Variants in FAM193A observed in about 807,000 individuals in gnomAD.
FAM193A encodes family with sequence similarity 193 member A, also known as protein FAM193A.
FAM193A carries 22 observed loss-of-function variants against 126.5 expected under a neutral mutation model. The observed-to-expected ratio is 0.17, with a 90% CI of 0.12 to 0.25. FAM193A has a LOEUF of 0.25. Ranked by LOEUF, FAM193A falls within the 10% of genes least tolerant of loss-of-function variation. The pLI, the probability that FAM193A is intolerant of heterozygous loss-of-function variation, is 1.00. For missense variants in FAM193A, 1,675 were observed against 1,672.8 expected, an observed-to-expected ratio of 1.00 and a Z score of -0.02; for synonymous variants, 761 against 646.8, an observed-to-expected ratio of 1.18 and a Z score of -2.68.
rs1233351844 is a variant in FAM193A, at chr4:2,732,091, T to C, written c.*223T>C. On this transcript the variant is annotated 3_prime_UTR_variant, in exon 21 of 21. Transcript: ENST00000637812. ...CTCCTTCGATTGTAGCTCTGTGCTG[T>C]CGGATTGGAACAGTAGTTCCCGCCA... The C allele has an allele frequency of 1.8e-6, 1 of 568,840 alleles. No individual in the cohort carries two copies. The highest frequency in any genetic ancestry group is 1.9e-5 in the African/African-American group (1 of 53,142). 35.2% of individuals were successfully genotyped at this position (568,840 alleles called of 1,614,324 possible). A position where few individuals can be genotyped will look rare whatever the true frequency, so the allele number is the denominator to read the frequency against.
At chr4:2,697,493 C>T (rs1300859437) in intron 18 of FAM193A, among the ~76,000 whole-genome samples, 1 of 152,184 alleles carries the variant, frequency 6.6e-6, no homozygotes, top group Non-Finnish European at 1.5e-5. Flanking sequence ...ATGTGGGCTG[C>T]ATGCAGAGGG....
At chr4:2,545,878 G>C (rs935471935) in intron 1 of FAM193A, among the ~76,000 whole-genome samples, 1 of 152,102 alleles carries the variant, frequency 6.6e-6, no homozygotes, top group Non-Finnish European at 1.5e-5. Context: ...GGCCAGGTGC[G>C]GTGGCTCACG....
At chr4:2,646,988 G>C (rs1305512322) in intron 7 of FAM193A, among the ~76,000 whole-genome samples, 156 bp downstream of exon 7, 2 of 152,222 alleles carry the variant, frequency 1.3e-5, no homozygotes, top group Non-Finnish European at 2.9e-5. Context: ...GTTAGCTGCT[G>C]GTTTTCCGGA....
upstream of FAM193A, chr4:2,536,504 C>G (rs561466996): frequency 2.7e-5 from 4 of 146,534 alleles, no homozygotes; most frequent in South Asian, 8.6e-4. Context: ...CGCGCCGAGG[C>G]ACGTTAACGG....
At chr4:2,675,146 GT>G (rs1714251123) in intron 13 of FAM193A, among the ~76,000 whole-genome samples, 1 of 152,150 alleles carries the variant, frequency 6.6e-6, no homozygotes, top group Non-Finnish European at 1.5e-5. Context: ...ATTAAGGTAT[GT>G]TTTATGGCCC....
At chr4:2,620,836 CAAA>C (rs34305537) in intron 2 of FAM193A, among the ~76,000 whole-genome samples, 6 of 69,094 alleles carry the variant, frequency 8.7e-5, no homozygotes, top group African/African-American at 1.2e-4. Flanking sequence ...AACTCCGTCT[CAAA>C]AAAAAAAAAA....
intron 1 of FAM193A, among the ~76,000 whole-genome samples, chr4:2,578,071 ACTT>A (rs1739709821): frequency 6.6e-6 from 1 of 151,928 alleles, no homozygotes; most frequent in East Asian, 1.9e-4. Context: ...TAGATTTATT[ACTT>A]CTTCTGTTTT....
chr4:2,590,298 C>T (rs777796876), intron 1 of FAM193A, among the ~76,000 whole-genome samples: 14 of 150,730 alleles, frequency 9.3e-5, no homozygotes, highest in Admixed American at 9.2e-4. Flanking sequence ...GGTGAAACCC[C>T]GTCTCTACTA....
chr4:2,710,804 C>G (rs1323748115), intron 19 of FAM193A, among the ~76,000 whole-genome samples: 2 of 151,526 alleles, frequency 1.3e-5, no homozygotes, highest in Non-Finnish European at 2.9e-5. Context: ...CGTGCCCAGC[C>G]TACCTTGTTA....
intron 6 of FAM193A, among the ~76,000 whole-genome samples, chr4:2,640,626 A>G (rs1355080468): frequency 1.3e-5 from 2 of 152,180 alleles, no homozygotes; most frequent in Non-Finnish European, 2.9e-5. Context: ...GCACATTCCC[A>G]TAATACAGAC....
rs780541233 is a variant in FAM193A at position 2,699,833 on chromosome 4, C to G, written c.3661C>G (p.Leu1221Val). Residue 1221 changes from leucine (L) to valine (V), a missense_variant, in exon 19 of 21, where the codon CTA (leucine) becomes GTA (valine). Transcript: ENST00000637812. ...TCAGCGGCTTCAGGAGCTTCAGAAG[C>G]TAAGAGCTGTAAAAAAGAAGAAGAA... ...EFQRLQELQKLRAVKKKKKER... is the reference protein window; with the variant it reads ...EFQRLQELQKVRAVKKKKKER... 6.2e-7 allele frequency: 1 copy of G among 1,613,802 alleles called. No individual in the cohort carries two copies.
At chr4:2,544,260 T>C (rs546102588) in intron 1 of FAM193A, among the ~76,000 whole-genome samples, 6 of 152,302 alleles carry the variant, frequency 3.9e-5, no homozygotes, top group African/African-American at 1.2e-4. Context: ...GTAATAAATA[T>C]ATCAAGATAA....
At chr4:2,628,133 C>T (rs530948406) in intron 4 of FAM193A, among the ~76,000 whole-genome samples, 13 of 152,316 alleles carry the variant, frequency 8.5e-5, no homozygotes, top group African/African-American at 2.2e-4. Context: ...ATCCACCTGC[C>T]TCAGCCTCCC....
intron 2 of FAM193A, among the ~76,000 whole-genome samples, chr4:2,606,087 G>C (rs1282003442): frequency 3.1e-5 from 3 of 95,650 alleles, no homozygotes; most frequent in African/African-American, 1.3e-4. Context: ...GTCTCACTCT[G>C]TCACCCAGGC....
At chr4:2,623,734 G>A (rs1742698382) in intron 2 of FAM193A, among the ~76,000 whole-genome samples, 1 of 152,228 alleles carries the variant, frequency 6.6e-6, no homozygotes, top group Admixed American at 6.5e-5. Context: ...GCTTGTCTCA[G>A]TGGCTTCATG....
intron 6 of FAM193A, among the ~76,000 whole-genome samples, chr4:2,641,190 G>A (rs919548402): frequency 1.3e-5 from 2 of 151,346 alleles, no homozygotes; most frequent in Non-Finnish European, 2.9e-5. Flanking sequence ...GGGATTACAG[G>A]CTTGCACCAC....
intron 1 of FAM193A, among the ~76,000 whole-genome samples, chr4:2,537,531 GC>G (rs762433669): frequency 6.6e-6 from 1 of 152,352 alleles, no homozygotes. Flanking sequence ...TTCGCCTTCC[GC>G]TGGACCCGGC....
chr4:2,560,980 G>A (rs1738576412), intron 1 of FAM193A, among the ~76,000 whole-genome samples: 2 of 152,066 alleles, frequency 1.3e-5, no homozygotes, highest in South Asian at 4.1e-4. Context: ...ACATGACTGT[G>A]ATATCCACCT....
intron 2 of FAM193A, chr4:2,615,200 C>T (rs897423973): frequency 6.6e-6 from 1 of 152,408 alleles, no homozygotes; most frequent in Non-Finnish European, 1.5e-5. Context: ...AGTTAGTTAT[C>T]AACAGCACTG....
Sources: allele counts gnomAD v4.1 joint callset (sites outside exome capture counted in the v4.1 genomes callset), GRCh38; gene constraint gnomAD v4.1.1; transcripts MANE v1.5; gene names NCBI Gene and HGNC (gene_info 2026-07-23, HGNC 2026-07-21).